Variants in XXYLT1 observed in about 807,000 individuals in gnomAD.
XXYLT1 encodes xyloside xylosyltransferase 1.
In XXYLT1, 20 loss-of-function variants were observed where a neutral mutation model predicts 28.9. The ratio of observed to expected loss-of-function variants is 0.69; its 90% CI spans 0.49 to 1.00. The LOEUF is 1.00. XXYLT1 is among the 50% of genes least tolerant of loss of function. XXYLT1 has a pLI of 0.00. For synonymous variants in XXYLT1, 257 were observed against 253.8 expected, an observed-to-expected ratio of 1.01 and a Z score of -0.12; for missense variants, 542 against 560.1, an observed-to-expected ratio of 0.97 and a Z score of 0.33.
At chr3:195,185,087 AAGGAAGG>A (rs747740218) in intron 2 of XXYLT1, among the ~76,000 whole-genome samples, 6,979 of 55,056 alleles carry the variant, frequency 0.13, 295 homozygotes, top group Non-Finnish European at 0.2. Flanking sequence ...AAGAAGGAAG[AAGGAAGG>A]AAGGAAGGAA....
intron 2 of XXYLT1, among the ~76,000 whole-genome samples, chr3:195,182,977 T>C (rs2108740367): frequency 6.6e-6 from 1 of 152,354 alleles, no homozygotes; most frequent in African/African-American, 2.4e-5. Context: ...TATCACGTTT[T>C]TACACACTTC....
intron 3 of XXYLT1, among the ~76,000 whole-genome samples, chr3:195,112,415 C>T (rs754185328): frequency 7.1e-5 from 10 of 140,482 alleles, no homozygotes; most frequent in African/African-American, 2.1e-4. Flanking sequence ...CACGTGCGCG[C>T]ACACACACAC....
intron 2 of XXYLT1, among the ~76,000 whole-genome samples, chr3:195,226,441 A>T (rs1724055012): frequency 6.6e-6 from 1 of 152,098 alleles, no homozygotes; most frequent in Non-Finnish European, 1.5e-5. Flanking sequence ...GAAGGGGGCG[A>T]GTGCAAGGGG....
intron 3 of XXYLT1, among the ~76,000 whole-genome samples, chr3:195,104,400 A>G (rs945868022): frequency 1.3e-5 from 2 of 150,386 alleles, no homozygotes; most frequent in African/African-American, 4.9e-5. Flanking sequence ...TTTCTACAAT[A>G]CTTCACTTCC....
chr3:195,270,037 G>A (rs1169177611), intron 1 of XXYLT1: 1 of 197,888 alleles, frequency 5.1e-6, no homozygotes, highest in Non-Finnish European at 1.1e-5. Context: ...AAGGGACACA[G>A]AGAGGAGATA....
At chr3:195,251,149 G>A (rs1172313413) in intron 1 of XXYLT1, among the ~76,000 whole-genome samples, 4 of 152,196 alleles carry the variant, frequency 2.6e-5, no homozygotes, top group South Asian at 4.1e-4. Context: ...ATCCTCGCAC[G>A]AGGCCCCTGC....
At chr3:195,270,304 A>C in intron 1 of XXYLT1, 1 of 881,726 alleles carries the variant, frequency 1.1e-6, no homozygotes, top group Non-Finnish European at 1.6e-6. Context: ...GGCTGCGCTT[A>C]ACTGGGGGAG....
Position 195,195,427 on chromosome 3 carries a change from G to A in XXYLT1, c.652+31282C>T, listed in dbSNP as rs1013179969. ...CGGATTCCTTCCTCAGAGTCGCTCA[G>A]GCGCCTAAGACTGTTCCAGTCAGAA... is the stretch of plus-strand genomic sequence containing the variant. On this transcript the variant is annotated intron_variant, in intron 2 of 3. Coordinates refer to ENST00000310380, the MANE Select transcript of XXYLT1 (RefSeq NM_152531.5). The surrounding 1 kb of genome is among the most constrained non-coding windows in gnomAD (Gnocchi z 4.4). Among the ~76,000 whole-genome samples the A allele has an allele frequency of 6.6e-6, 1 of 152,198 alleles. No individual in the cohort carries two copies. The highest frequency in any genetic ancestry group is 1.5e-5 in the Non-Finnish European group (1 of 68,044).
intron 3 of XXYLT1, among the ~76,000 whole-genome samples, chr3:195,123,577 A>T (rs1718474838): frequency 6.6e-6 from 1 of 152,190 alleles, no homozygotes; most frequent in Non-Finnish European, 1.5e-5. Flanking sequence ...TCGTCAGCTG[A>T]ATTATTAATG....
At chr3:195,244,839 A>G (rs1485418947) in intron 1 of XXYLT1, among the ~76,000 whole-genome samples, 3 of 139,802 alleles carry the variant, frequency 2.1e-5, no homozygotes, top group Non-Finnish European at 3.1e-5. Flanking sequence ...ATACAACATG[A>G]GACTCTGTCT....
chr3:195,251,844 G>C (rs1345993416), intron 1 of XXYLT1, among the ~76,000 whole-genome samples: 1 of 152,226 alleles, frequency 6.6e-6, no homozygotes, highest in Non-Finnish European at 1.5e-5. Context: ...CTGCAAAGCA[G>C]AAGATGCACA....
rs919863647 is a variant in XXYLT1 at position 195,180,501 on chromosome 3, C to T, written c.653-23920G>A. 2.9e-5 allele frequency: 29 copies of T among 985,432 alleles called. No individual in the cohort carries two copies. Among genetic ancestry groups the T allele is most frequent in the Non-Finnish European group, 3.5e-5 (29 of 830,018 alleles). The allele number at this position is 985,432 out of a possible 1,614,324, so 61.0% of individuals were successfully genotyped here. A position where few individuals can be genotyped will look rare whatever the true frequency, so the allele number is the denominator to read the frequency against. On this transcript the variant is annotated intron_variant, in intron 2 of 3. Transcript: ENST00000310380. This position sits in a 1 kb window ranked among gnomAD's most constrained non-coding sequence, Gnocchi z 5.8. ...TCCTTTTTCTTTCTATGCTCCTCTT[C>T]CTGGCTCTGTAGCCCTTGAAAAGAA...
At chr3:195,260,145 G>A (rs1258796718) in intron 1 of XXYLT1, 2 of 151,706 alleles carry the variant, frequency 1.3e-5, no homozygotes, top group African/African-American at 4.8e-5. Flanking sequence ...CTCAGGCTTG[G>A]GGGCTGCAGC....
intron 3 of XXYLT1, among the ~76,000 whole-genome samples, chr3:195,141,339 G>A (rs551171465): frequency 3.0e-4 from 46 of 152,266 alleles, no homozygotes; most frequent in African/African-American, 9.9e-4. Context: ...TGTGTTACGT[G>A]GCTCTGAAAC....
chr3:195,099,830 CA>C (rs35428286), intron 3 of XXYLT1, among the ~76,000 whole-genome samples: 38,869 of 94,882 alleles, frequency 0.41, 5,759 homozygotes, highest in Admixed American at 0.47. Flanking sequence ...GACTCTGTCT[CA>C]AAAAAAAAAA....
At chr3:195,270,358 C>G in intron 1 of XXYLT1, 197 bp downstream of exon 1, 1 of 896,514 alleles carries the variant, frequency 1.1e-6, no homozygotes, top group Non-Finnish European at 1.3e-6. Flanking sequence ...CACTCCTCAG[C>G]ACCAGCTGAG....
chr3:195,187,673 T>C (rs537063785), intron 2 of XXYLT1, among the ~76,000 whole-genome samples: 1 of 152,206 alleles, frequency 6.6e-6, no homozygotes, highest in African/African-American at 2.4e-5. Context: ...TGCATGCACA[T>C]TGAGGTAGAG....
rs1726015540 is a variant in XXYLT1, at chr3:195,271,123, C to A, written c.-65G>T. The A allele has an allele frequency of 2.4e-6, 3 of 1,272,064 alleles. No homozygotes were observed. The highest frequency in any genetic ancestry group is 1.6e-5 in the African/African-American group (1 of 63,674). 78.8% of individuals were successfully genotyped at this position (1,272,064 alleles called of 1,614,324 possible). A position where few individuals can be genotyped will look rare whatever the true frequency, so the allele number is the denominator to read the frequency against. ...GGAGAGCCCTCGGGTACCCGGACGC[C>A]GGCGGCCACTTAGCCCCGGCGCCAG... On this transcript the variant is annotated 5_prime_UTR_variant, in exon 1 of 4. Transcript: ENST00000310380.
At chr3:195,106,478 G>GGCGGT (rs1359164946) in intron 3 of XXYLT1, among the ~76,000 whole-genome samples, 3 of 152,226 alleles carry the variant, frequency 2.0e-5, no homozygotes, top group Non-Finnish European at 4.4e-5. Flanking sequence ...CGGGCCTCAC[G>GGCGGT]GCGGTGTCTA....
Sources: gnomAD v4.1 joint callset for allele counts (sites outside exome capture counted in the v4.1 genomes callset) on GRCh38, gnomAD v4.1.1 for gene constraint, Gnocchi (gnomAD v3.1) non-coding constraint, MANE v1.5 for transcripts, NCBI Gene and HGNC (gene_info 2026-07-23, HGNC 2026-07-21) for gene names.